Variants in TRIM63 observed in about 807,000 individuals in gnomAD.
TRIM63 encodes the protein tripartite motif containing 63, also known as E3 ubiquitin-protein ligase TRIM63.
TRIM63 carries 48 observed loss-of-function variants against 46.0 expected under a neutral mutation model. The observed-to-expected ratio is 1.04, with a 90% CI of 0.83 to 1.33. The LOEUF (loss-of-function observed/expected upper bound fraction) is 1.33. TRIM63 is among the 40% of genes most tolerant of loss of function. The probability of loss-of-function intolerance (pLI) is 0.00; values close to 1 mark genes in which losing one functional copy is unlikely to be tolerated. For synonymous variants in TRIM63, 175 were observed against 162.8 expected (o/e 1.08, Z -0.57); for missense variants, 455 against 441.2 (o/e 1.03, Z -0.28).
chr1:26,067,415 A>T lies in TRIM63; in HGVS notation c.80T>A (p.Leu27Gln). 6.2e-7 allele frequency: 1 copy of T among 1,614,196 alleles called. No homozygotes were observed. The change falls in exon 1 of 9, where the codon CTG (leucine) becomes CAG (glutamine). Residue 27 changes from leucine to glutamine, a missense_variant. Transcript: ENST00000374272. ...LEKQLICPIC[L>Q]EMFTKPVVIL... ...GACCACTGGCTTGGTAAACATCTCC[A>T]GGCAGATAGGGCAGATCAGCTGCTT...
intron 2 of TRIM63, among the ~76,000 whole-genome samples, chr1:26,062,778 T>A (rs891269480): frequency 2.6e-5 from 4 of 152,128 alleles, no homozygotes; most frequent in Non-Finnish European, 5.9e-5. Context: ...TTTTTTGTTG[T>A]TGTGTTGTTC....
At chr1:26,056,456 A>C (rs2050571031) in intron 7 of TRIM63, among the ~76,000 whole-genome samples, 1 of 152,200 alleles carries the variant, frequency 6.6e-6, no homozygotes, top group Non-Finnish European at 1.5e-5. Flanking sequence ...ACCTTTCTGC[A>C]TTGATATCTG....
intron 4 of TRIM63, 138 bp downstream of exon 4, chr1:26,060,128 C>A: frequency 1.6e-6 from 1 of 630,092 alleles, no homozygotes; most frequent in Non-Finnish European, 2.9e-6. Flanking sequence ...GGATTAGTCC[C>A]TCCCCTGCCA....
At position 26,057,611 on chromosome 1, in the gene TRIM63, T is replaced by G; in HGVS notation, c.854+17A>C. ...GGAACTAGGTGCTTGGATCATAGCC[T>G]CTAGGAAGACACTGACCTTTTGATG... On this transcript the variant is annotated intron_variant, in intron 6 of 8. Transcript: ENST00000374272. 1 of 1,609,342 alleles carries G rather than the reference T, an allele frequency of 6.2e-7. No homozygotes were observed.
At chr1:26,061,122 C>G in intron 3 of TRIM63, 44 bp downstream of exon 3, 1 of 1,595,364 alleles carries the variant, frequency 6.3e-7, no homozygotes, top group Non-Finnish European at 8.6e-7. Context: ...TCAGGCCGTG[C>G]CCAGCAGGCC....
intron 4 of TRIM63, among the ~76,000 whole-genome samples, chr1:26,058,938 A>T (rs1184915814): frequency 6.7e-6 from 1 of 149,656 alleles, no homozygotes; most frequent in East Asian, 2.0e-4. Context: ...CTGTCCCCCA[A>T]CCTCAGCTGG....
chr1:26,051,617 T>C lies in TRIM63; in HGVS notation c.*256A>G, dbSNP rs2050523216. ...TTTTAAAAATGTACAAAATATTCCA[T>C]TTTGCACCAATGTAGAAAAGTGTCC... On this transcript the variant is annotated 3_prime_UTR_variant, in exon 9 of 9. Transcript: ENST00000374272. 2.6e-6 allele frequency: 1 copy of C among 377,892 alleles called. No individual in the cohort carries two copies. The highest frequency in any genetic ancestry group is 2.1e-5 in the African/African-American group (1 of 47,988). 23.4% of individuals were successfully genotyped at this position (377,892 alleles called of 1,614,324 possible).
chr1:26,057,128 G>A (rs1243923209), intron 7 of TRIM63, 75 bp downstream of exon 7: 12 of 1,572,556 alleles, frequency 7.6e-6, no homozygotes, highest in South Asian at 4.5e-5. Flanking sequence ...CCTCCCCATC[G>A]GGCTCAGTTG....
At position 26,060,297 on chromosome 1, in the gene TRIM63, GTGA is replaced by G; in HGVS notation, c.563_565del (p.Ile188del). ...CACTCGACGGGAATCCTCCAGCTGA[GTGA>G]TGATGGTCTGCACACGGTCATTCCC... On this transcript the variant is annotated inframe_deletion, in exon 4 of 9. Transcript: ENST00000374272. 6.2e-7 allele frequency: 1 copy of G among 1,614,078 alleles called. No individual in the cohort carries two copies. The highest frequency in any genetic ancestry group is 8.5e-7 in the Non-Finnish European group (1 of 1,180,006).
chr1:26,061,166 C>G lies in TRIM63; in HGVS notation c.501G>C (p.Lys167Asn). ...GGGTAAAAGTGGCTGGAGACAGTAC[C>G]TTTTGTCCCTGGAAGACACTCTGCA... ...APLQSVFQGQ[K>N]TELNNCISML... is the part of the protein sequence containing the mutation. Residue 167 changes from lysine to asparagine, a missense_variant and splice_region_variant, in exon 3 of 9, where the codon AAG becomes AAC. Lys to Asn is a moderately conservative substitution (Grantham distance 94). Coordinates refer to ENST00000374272, the MANE Select transcript of TRIM63 (RefSeq NM_032588.4). 1.2e-6 allele frequency: 2 copies of G among 1,613,554 alleles called. No homozygotes were observed. Among genetic ancestry groups the G allele is most frequent in the Non-Finnish European group, 1.7e-6 (2 of 1,179,792 alleles).
chr1:26,066,313 A>C lies in TRIM63; in HGVS notation c.287T>G (p.Leu96Arg). 6.2e-7 allele frequency: 1 copy of C among 1,614,150 alleles called. No individual in the cohort carries two copies. Among genetic ancestry groups the C allele is most frequent in the Non-Finnish European group, 8.5e-7 (1 of 1,180,020 alleles). ...RHGVYGLQRNLLVENIIDIYK... is the reference protein window; with the variant it reads ...RHGVYGLQRNRLVENIIDIYK... The stretch of plus-strand genomic sequence containing the variant: ...GATGTCGATGATGTTCTCCACCAGC[A>C]GGTTCCTCTGCAGGCCGTACACTCC... Residue 96 changes from leucine (L) to arginine (R), a missense_variant, in exon 2 of 9, where the codon CTG becomes CGG. Leu to Arg is a moderately radical substitution (Grantham distance 102). Coordinates refer to ENST00000374272, the MANE Select transcript of TRIM63 (RefSeq NM_032588.4).
Position 26,058,526 on chromosome 1 carries a change from G to A in TRIM63, c.695C>T (p.Thr232Met), listed in dbSNP as rs376414719. 89 of 1,614,046 alleles carry A rather than the reference G, an allele frequency of 5.5e-5. No homozygotes were observed. Among genetic ancestry groups the A allele is most frequent in the East Asian group, 6.7e-5 (3 of 44,892 alleles). ...GCTAAGCTTTTTCTCCTGCTCCTGC[G>A]TGATCCGCTGCAGCAACTCACTTTT... ...EKKSELLQRI[T>M]QEQEKKLSFI... The change falls in exon 5 of 9, where the codon ACG becomes ATG. Residue 232 changes from threonine to methionine, a missense_variant. Physicochemically the swap from Thr to Met is moderately conservative, Grantham distance 81. Coordinates refer to ENST00000374272, the MANE Select transcript of TRIM63 (RefSeq NM_032588.4).
chr1:26,055,511 C>CTTT (rs776902898), intron 7 of TRIM63, among the ~76,000 whole-genome samples: 2 of 137,916 alleles, frequency 1.5e-5, no homozygotes, highest in Non-Finnish European at 1.6e-5. Flanking sequence ...CTATTTCTTT[C>CTTT]TTTTTTTTTT....
chr1:26,063,866 C>T (rs1415692706), intron 2 of TRIM63, among the ~76,000 whole-genome samples: 1 of 152,214 alleles, frequency 6.6e-6, no homozygotes, highest in African/African-American at 2.4e-5. Context: ...ATAACATGCT[C>T]TTCATAGGTC....
intron 8 of TRIM63, 80 bp downstream of exon 8, chr1:26,053,813 T>G (rs2050543657): frequency 2.8e-6 from 3 of 1,080,768 alleles, no homozygotes; most frequent in South Asian, 2.7e-5. Flanking sequence ...TCTAACACAG[T>G]GCTTCACATA....
chr1:26,055,589 C>A (rs138295939), intron 7 of TRIM63, among the ~76,000 whole-genome samples: 41 of 151,520 alleles, frequency 2.7e-4, no homozygotes, highest in Middle Eastern at 3.4e-3. Flanking sequence ...CAGCTCACTG[C>A]AACCTCCTCC....
At chr1:26,066,039 A>G (rs12097124) in intron 2 of TRIM63, among the ~76,000 whole-genome samples, 4,364 of 152,130 alleles carry the variant, frequency 0.029, 216 homozygotes, top group African/African-American at 0.099. Flanking sequence ...CTGTCTTGGT[A>G]TTGCCTGGAA....
intron 2 of TRIM63, among the ~76,000 whole-genome samples, chr1:26,064,111 C>G (rs532216655): frequency 1.8e-4 from 28 of 152,280 alleles, no homozygotes; most frequent in African/African-American, 6.3e-4. Flanking sequence ...GCCCGGCCAA[C>G]GTGGTGAAAC....
chr1:26,058,650 T>G (rs757393464), intron 4 of TRIM63, 27 bp from the exon 5 acceptor site: 10 of 1,600,232 alleles, frequency 6.2e-6, no homozygotes, highest in Non-Finnish European at 8.6e-6. Flanking sequence ...TGTGGTCACG[T>G]TCTGTAGGGT....
Sources: gnomAD v4.1 joint callset for allele counts (sites outside exome capture counted in the v4.1 genomes callset) on GRCh38, gnomAD v4.1.1 for gene constraint, MANE v1.5 for transcripts, NCBI Gene and HGNC (gene_info 2026-07-23, HGNC 2026-07-21) for gene names.